Variants in PIEZO2 observed in about 807,000 individuals in gnomAD.
PIEZO2 encodes piezo type mechanosensitive ion channel component 2, also known as piezo-type mechanosensitive ion channel component 2.
A neutral mutation model predicts 337.3 loss-of-function variants in PIEZO2; 172 were observed. The ratio of observed to expected loss-of-function variants is 0.51; its 90% confidence interval spans 0.45 to 0.58. The LOEUF is 0.58. Ranked by LOEUF, PIEZO2 falls within the 20% of genes least tolerant of loss-of-function variation. The pLI, the probability that PIEZO2 is intolerant of heterozygous loss-of-function variation, is 0.00. For missense variants in PIEZO2, 3,028 were observed against 3,391.3 expected, an observed-to-expected ratio of 0.89 and a Z score of 2.66; for synonymous variants, 1,251 against 1,228.5, an observed-to-expected ratio of 1.02 and a Z score of -0.38.
chr18:11,116,433 G>C lies in PIEZO2; in HGVS notation c.64+32092C>G, dbSNP rs183172472. 3.3e-5 allele frequency among the ~76,000 whole-genome samples: 5 copies of C among 152,298 alleles called. No homozygotes were observed. Among genetic ancestry groups the C allele is most frequent in the Admixed American group, 6.5e-5 (1 of 15,300 alleles). ...GGGTGTGAAAGAATGAAATTTGCAG[G>C]CCGGGCGCGGTGGCTCACGCCTGTA... On this transcript the variant is annotated intron_variant, in intron 1 of 55. Coordinates refer to ENST00000674853, the MANE Select transcript of PIEZO2 (RefSeq NM_001378183.1). This position sits in a 1 kb window ranked among gnomAD's most constrained non-coding sequence, Gnocchi z 5.0.
rs1454107934 is a variant in PIEZO2 at position 10,702,091 on chromosome 18, C to T, written c.6339G>A (p.Pro2113=). 9 of 1,536,706 alleles carry T rather than the reference C, an allele frequency of 5.9e-6. No individual in the cohort carries two copies. The highest frequency in any genetic ancestry group is 1.7e-4 in the Middle Eastern group (1 of 6,010). Residue 2113 remains proline, a synonymous_variant, in exon 43 of 56, where the codon CCG becomes CCA. Transcript: ENST00000674853. ...CTCCTATGATGTTTGGGGGGTGATA[C>T]GGTTTATCTTTGTTCACCTCCACAT... ...NKNVEVNKDK[P]YHPPNIIGVE...
intron 7 of PIEZO2, among the ~76,000 whole-genome samples, chr18:10,849,784 T>C (rs906156141): frequency 6.6e-6 from 1 of 152,270 alleles, no homozygotes; most frequent in African/African-American, 2.4e-5. Context: ...GAAATTACTT[T>C]GCATTAGCTG....
chr18:10,854,337 TA>T lies in PIEZO2; in HGVS notation c.917+1015del, dbSNP rs1393238418. 1.3e-5 allele frequency among the ~76,000 whole-genome samples: 2 copies of T among 152,202 alleles called. No individual in the cohort carries two copies. Among genetic ancestry groups the T allele is most frequent in the East Asian group, 1.9e-4 (1 of 5,202 alleles). The stretch of plus-strand genomic sequence containing the variant: ...ATTGATCACACCTTTGGAAAGATGT[TA>T]TTTTTTTTCTTTGCAATTAGCAAGC... On this transcript the variant is annotated intron_variant, in intron 7 of 55. Transcript: ENST00000674853. The surrounding 1 kb of genome is among the most constrained non-coding windows in gnomAD (Gnocchi z 4.6).
intron 1 of PIEZO2, among the ~76,000 whole-genome samples, chr18:11,121,979 A>G (rs917630099): frequency 6.6e-6 from 1 of 151,856 alleles, no homozygotes; most frequent in African/African-American, 2.4e-5. Context: ...TTTGAGATGG[A>G]GTCTTGCTCT....
chr18:10,706,361 T>A (rs183964237), intron 40 of PIEZO2, among the ~76,000 whole-genome samples: 1 of 152,192 alleles, frequency 6.6e-6, no homozygotes, highest in Admixed American at 6.5e-5. Context: ...TTTCTGTGCA[T>A]CCCGTCTGCG....
chr18:10,705,288 A>G lies in PIEZO2; in HGVS notation c.5999+48T>C, dbSNP rs564402651. ...TATACAGAATTAGGGCATTATGTTT[A>G]AGTGGTGATTTGGGGATATGTGTCT... On this transcript the variant is annotated intron_variant, in intron 41 of 55. Coordinates refer to ENST00000674853, the MANE Select transcript of PIEZO2 (RefSeq NM_001378183.1). The G allele has an allele frequency of 1.5e-4, 220 of 1,463,464 alleles. No homozygotes were observed. The East Asian group carries it at 5.2e-3, about 35-fold the overall frequency. 90.7% of individuals were successfully genotyped at this position (1,463,464 alleles called of 1,614,324 possible). A position where few individuals can be genotyped will look rare whatever the true frequency, so the allele number is the denominator to read the frequency against.
intron 36 of PIEZO2, among the ~76,000 whole-genome samples, chr18:10,721,792 T>C (rs2036321795): frequency 6.6e-6 from 1 of 152,144 alleles, no homozygotes. Flanking sequence ...ATCATCTTAA[T>C]AAACTGGAAT....
intron 2 of PIEZO2, among the ~76,000 whole-genome samples, chr18:10,998,788 G>A (rs1259597633): frequency 6.7e-6 from 1 of 148,706 alleles, no homozygotes; most frequent in Non-Finnish European, 1.5e-5. Context: ...AAAGGAAGTA[G>A]AGTTTTTAAA....
chr18:10,768,031 A>G (rs1204676894), intron 21 of PIEZO2, among the ~76,000 whole-genome samples: 1 of 152,208 alleles, frequency 6.6e-6, no homozygotes, highest in Admixed American at 6.5e-5. Flanking sequence ...GGAAAGAATA[A>G]AACAAAAGAA....
chr18:10,725,321 C>G, intron 36 of PIEZO2: 8 of 1,597,326 alleles, frequency 5.0e-6, no homozygotes, highest in Non-Finnish European at 6.9e-6. Flanking sequence ...AGGGCTGCGT[C>G]GAAGAGGTTG....
In PIEZO2 at chr18:10,697,869, T is replaced by A. The variant is rs762602420; in HGVS notation, c.6706A>T (p.Thr2236Ser). ...CTTCCTTTTTGACTGCTGTTTCGGG[T>A]GCTTGTGCTGCCTAGAAATAAAAAG... ...SNRSQRGSTS[T>S]RNSSQKGSSV... The change falls in exon 45 of 56, where the codon ACC becomes TCC. Residue 2236 changes from threonine to serine, a missense_variant. This residue lies in a region of PIEZO2 where 1,925 missense variants were observed against 2,051.9 expected (regional missense o/e 0.94). Transcript: ENST00000674853. 1.2e-6 allele frequency: 2 copies of A among 1,612,266 alleles called. No homozygotes were observed. The highest frequency in any genetic ancestry group is 1.7e-6 in the Non-Finnish European group (2 of 1,178,808).
intron 2 of PIEZO2, among the ~76,000 whole-genome samples, chr18:11,065,400 A>T (rs1327809103): frequency 6.6e-6 from 1 of 152,236 alleles, no homozygotes; most frequent in East Asian, 1.9e-4. Flanking sequence ...AAAAAAGACA[A>T]TTTACTAAAT....
chr18:10,722,188 T>C (rs1321967512), intron 36 of PIEZO2, among the ~76,000 whole-genome samples: 5 of 148,160 alleles, frequency 3.4e-5, no homozygotes, highest in Admixed American at 6.7e-5. Context: ...GTAAAATTAA[T>C]AGAAAATCTG....
intron 7 of PIEZO2, among the ~76,000 whole-genome samples, chr18:10,822,489 C>A (rs555417202): frequency 7.2e-5 from 11 of 152,124 alleles, no homozygotes; most frequent in Non-Finnish European, 1.2e-4. Context: ...GTCTTAGAGG[C>A]CCTGACACTT....
rs1225579716 is a variant in PIEZO2, at chr18:10,834,666, C to A, written c.917+20687G>T. ...AACTGTAGGAAGAAGAAGCCAAAGC[C>A]GCAGGAGGCTAGATCAGAGAGGAAG... On this transcript the variant is annotated intron_variant, in intron 7 of 55. Transcript: ENST00000674853. This position sits in a 1 kb window ranked among gnomAD's most constrained non-coding sequence, Gnocchi z 4.5. 6.6e-6 allele frequency among the ~76,000 whole-genome samples: 1 copy of A among 152,136 alleles called. No homozygotes were observed. Among genetic ancestry groups the A allele is most frequent in the Non-Finnish European group, 1.5e-5 (1 of 68,030 alleles).
chr18:10,834,688 G>A lies in PIEZO2; in HGVS notation c.917+20665C>T, dbSNP rs558734082. Among the ~76,000 whole-genome samples the A allele has an allele frequency of 2.1e-4, 32 of 152,284 alleles. No homozygotes were observed. The highest frequency in any genetic ancestry group is 5.8e-4 in the East Asian group (3 of 5,172). On this transcript the variant is annotated intron_variant, in intron 7 of 55. Transcript: ENST00000674853. The surrounding 1 kb of genome is among the most constrained non-coding windows in gnomAD (Gnocchi z 4.5). ...AGCCGCAGGAGGCTAGATCAGAGAGGAAGCCTGGCCTGTCTGAACTCCAAA... is the reference window on the plus strand; with the variant it reads ...AGCCGCAGGAGGCTAGATCAGAGAGAAAGCCTGGCCTGTCTGAACTCCAAA...
rs143137496 is a variant in PIEZO2, at chr18:10,920,003, G to A, written c.287-8775C>T. Reference sequence around the variant, plus strand: ...ATAGTGTTGTATGTGTATGTCTCCCGTGGAAACCAAGCAAACAAGCCAGCC... The same window carrying A: ...ATAGTGTTGTATGTGTATGTCTCCCATGGAAACCAAGCAAACAAGCCAGCC... On this transcript the variant is annotated intron_variant, in intron 3 of 55. Coordinates refer to ENST00000674853, the MANE Select transcript of PIEZO2 (RefSeq NM_001378183.1). Among the ~76,000 whole-genome samples, 767 of 152,224 alleles carry A rather than the reference G, an allele frequency of 5.0e-3. 10 individuals are homozygous for A. The highest frequency in any genetic ancestry group is 0.017 in the African/African-American group (722 of 41,566).
intron 1 of PIEZO2, among the ~76,000 whole-genome samples, chr18:11,140,117 C>T (rs1412444762): frequency 2.0e-5 from 3 of 152,172 alleles, no homozygotes; most frequent in African/African-American, 7.2e-5. Flanking sequence ...AATCTCTGAC[C>T]TGCAGAGAAG....
intron 3 of PIEZO2, among the ~76,000 whole-genome samples, chr18:10,977,011 G>GTGTGTGTGTGTGTA (rs1424266529): frequency 4.0e-5 from 6 of 150,178 alleles, no homozygotes; most frequent in Non-Finnish European, 8.9e-5. Flanking sequence ...ATGTGTGTGT[G>GTGTGTGTGTGTGTA]TGTGTGTGTG....
Sources: gnomAD v4.1 joint callset for allele counts (sites outside exome capture counted in the v4.1 genomes callset) on GRCh38, gnomAD v4.1.1 for gene constraint, gnomAD v4.1.1 regional missense constraint, Gnocchi (gnomAD v3.1) non-coding constraint, MANE v1.5 for transcripts, NCBI Gene and HGNC (gene_info 2026-07-23, HGNC 2026-07-21) for gene names.